ACOT13: variants seen among roughly 807,000 people sequenced by gnomAD.
The protein encoded by ACOT13 is acyl-coenzyme A thioesterase 13.
Under a neutral mutation model 11.8 loss-of-function variants are expected in ACOT13, and 10 were observed. The ratio of observed to expected loss-of-function variants is 0.85; its 90% CI spans 0.53 to 1.44. The LOEUF is 1.44. ACOT13 is among the 40% of genes most tolerant of loss of function. The probability of loss-of-function intolerance (pLI) is 0.00; values close to 1 mark genes in which losing one functional copy is unlikely to be tolerated. For synonymous variants in ACOT13, 53 were observed against 61.0 expected (o/e 0.87, Z 0.61); for missense variants, 172 against 174.1 (o/e 0.99, Z 0.07).
At chr6:24,671,845 AT>A (rs1562154753) in intron 1 of ACOT13, among the ~76,000 whole-genome samples, 1 of 152,208 alleles carries the variant, frequency 6.6e-6, no homozygotes, top group Non-Finnish European at 1.5e-5. Context: ...AATTATGATT[AT>A]TACTGATAAT....
intron 1 of ACOT13, among the ~76,000 whole-genome samples, chr6:24,695,083 T>G (rs549560394): frequency 6.6e-6 from 1 of 152,126 alleles, no homozygotes; most frequent in Admixed American, 6.5e-5. Context: ...CCGAGGTGGG[T>G]GGATCACCTG....
intron 1 of ACOT13, among the ~76,000 whole-genome samples, chr6:24,667,865 C>T (rs561660494): frequency 1.2e-4 from 19 of 152,312 alleles, no homozygotes; most frequent in African/African-American, 4.6e-4. Flanking sequence ...AGACTGAGTG[C>T]TTTTCTGAGA....
chr6:24,678,846 A>G (rs1376302991), intron 1 of ACOT13, among the ~76,000 whole-genome samples: 1 of 152,146 alleles, frequency 6.6e-6, no homozygotes, highest in Non-Finnish European at 1.5e-5. Flanking sequence ...GGAGAGTAAG[A>G]CTGAGAAGGC....
chr6:24,669,299 C>T lies in ACOT13; in HGVS notation c.81+1955C>T, dbSNP rs559628816. Among the ~76,000 whole-genome samples, 8 of 152,176 alleles carry T rather than the reference C, an allele frequency of 5.3e-5. No homozygotes were observed. In the East Asian group the frequency reaches 7.7e-4, roughly 15 times the overall value. On this transcript the variant is annotated intron_variant, in intron 1 of 2. Coordinates refer to ENST00000230048, the MANE Select transcript of ACOT13 (RefSeq NM_018473.4). ...TGAACACTGGTTGGGTTCGGAAAGG[C>T]GGGACAACTTGAAGCGGGAAGGGGG...
chr6:24,692,675 T>TC (rs1184812614), intron 1 of ACOT13, among the ~76,000 whole-genome samples: 1 of 152,192 alleles, frequency 6.6e-6, no homozygotes, highest in African/African-American at 2.4e-5. Flanking sequence ...CACCTCAGTC[T>TC]CCCAAAATTA....
At chr6:24,684,574 T>C (rs1259522648) in intron 1 of ACOT13, among the ~76,000 whole-genome samples, 4 of 54,396 alleles carry the variant, frequency 7.4e-5, no homozygotes, top group African/African-American at 3.0e-4. Flanking sequence ...ACGGCTGAAG[T>C]GTCCAGATTA....
intron 1 of ACOT13, among the ~76,000 whole-genome samples, chr6:24,686,987 C>G (rs1778642865): frequency 6.6e-6 from 1 of 152,164 alleles, no homozygotes; most frequent in South Asian, 2.1e-4. Flanking sequence ...GAAATCTATC[C>G]CCATTACCCA....
Position 24,703,145 on chromosome 6 carries a change from G to A in ACOT13, c.*1530G>A, listed in dbSNP as rs778856218. On this transcript the variant is annotated 3_prime_UTR_variant, in exon 3 of 3. Transcript: ENST00000230048. The stretch of plus-strand genomic sequence containing the variant: ...TCCTGCCTTGGCCCCCCAAGTACTG[G>A]ACTTACAGGTGTGAACCACTGCACC... 1.3e-5 allele frequency: 2 copies of A among 152,274 alleles called. No individual in the cohort carries two copies. Among genetic ancestry groups the A allele is most frequent in the Admixed American group, 1.3e-4 (2 of 15,286 alleles). The allele number at this position is 152,274 out of a possible 1,614,324, so 9.4% of individuals were successfully genotyped here.
intron 1 of ACOT13, among the ~76,000 whole-genome samples, chr6:24,686,597 CTTTCTTTCT>C (rs1433094955): frequency 6.8e-6 from 1 of 146,664 alleles, no homozygotes; most frequent in African/African-American, 2.5e-5. Context: ...TCCTTCCTTC[CTTTCTTTCT>C]TTTCTTCCTC....
At chr6:24,692,760 A>G (rs1778737163) in intron 1 of ACOT13, among the ~76,000 whole-genome samples, 1 of 152,208 alleles carries the variant, frequency 6.6e-6, no homozygotes, top group African/African-American at 2.4e-5. Context: ...ACAAAACCCT[A>G]TAAGGGCAGT....
chr6:24,695,787 C>T (rs894815639), intron 1 of ACOT13, among the ~76,000 whole-genome samples: 5 of 152,078 alleles, frequency 3.3e-5, no homozygotes, highest in Non-Finnish European at 5.9e-5. Context: ...CGATCATAGG[C>T]CAGGCGCGGT....
chr6:24,697,733 G>T (rs1023975628), intron 1 of ACOT13, 150 bp from the exon 2 acceptor site: 1 of 591,504 alleles, frequency 1.7e-6, no homozygotes, highest in Admixed American at 3.8e-5. Context: ...CTTGCATAAG[G>T]GTTAATTTCT....
chr6:24,669,872 C>T (rs1778330266), intron 1 of ACOT13, among the ~76,000 whole-genome samples: 1 of 152,036 alleles, frequency 6.6e-6, no homozygotes, highest in Admixed American at 6.6e-5. Context: ...TTATTTTCTT[C>T]TGAAGTTTAA....
intron 2 of ACOT13, among the ~76,000 whole-genome samples, chr6:24,698,720 C>T (rs1285838308): frequency 6.6e-6 from 1 of 151,736 alleles, no homozygotes; most frequent in South Asian, 2.1e-4. Flanking sequence ...TCACTTCAGC[C>T]TCCGCCTCTG....
Position 24,703,383 on chromosome 6 carries a change from A to ATTC in ACOT13, c.*1769_*1770insTCT, listed in dbSNP as rs1471320989. On this transcript the variant is annotated 3_prime_UTR_variant, in exon 3 of 3. Transcript: ENST00000230048. ...AGCAGTGAGCATACAGGAGTCCCAG[A>ATTC]TGTTTACTTCTAGTATTTCCCACTA... The ATTC allele has an allele frequency of 6.6e-6, 1 of 152,042 alleles. No individual in the cohort carries two copies. The highest frequency in any genetic ancestry group is 1.9e-4 in the East Asian group (1 of 5,202). The allele number at this position is 152,042 out of a possible 1,614,324, so 9.4% of individuals were successfully genotyped here. A position where few individuals can be genotyped will look rare whatever the true frequency, so the allele number is the denominator to read the frequency against.
chr6:24,690,647 A>G (rs1268106198), intron 1 of ACOT13, among the ~76,000 whole-genome samples: 1 of 152,202 alleles, frequency 6.6e-6, no homozygotes, highest in Non-Finnish European at 1.5e-5. Context: ...GTGTTACTTA[A>G]GCTTAGCTAA....
chr6:24,690,854 C>T (rs1359711219), intron 1 of ACOT13, among the ~76,000 whole-genome samples: 1 of 152,176 alleles, frequency 6.6e-6, no homozygotes, highest in African/African-American at 2.4e-5. Flanking sequence ...CATTTGCCTG[C>T]CATTTTCACT....
chr6:24,671,033 C>T (rs1034670246), intron 1 of ACOT13, among the ~76,000 whole-genome samples: 4 of 152,100 alleles, frequency 2.6e-5, no homozygotes, highest in South Asian at 2.1e-4. Context: ...ACTAGGTCAA[C>T]CATTGTGGAA....
chr6:24,674,647 C>T (rs140683517), intron 1 of ACOT13, among the ~76,000 whole-genome samples: 1 of 150,906 alleles, frequency 6.6e-6, no homozygotes, highest in African/African-American at 2.4e-5. Context: ...AACTCCTGAC[C>T]TCAAGTGATC....
Sources: gnomAD v4.1 joint callset for allele counts (sites outside exome capture counted in the v4.1 genomes callset) on GRCh38, gnomAD v4.1.1 for gene constraint, MANE v1.5 for transcripts, NCBI Gene and HGNC (gene_info 2026-07-23, HGNC 2026-07-21) for gene names.